B3GNT5: variants seen among roughly 807,000 people sequenced by gnomAD.
The protein encoded by B3GNT5 is UDP-GlcNAc:betaGal beta-1,3-N-acetylglucosaminyltransferase 5, also known as lactosylceramide 1,3-N-acetyl-beta-D-glucosaminyltransferase.
A neutral mutation model predicts 25.9 loss-of-function variants in B3GNT5; 11 were observed. The ratio of observed to expected loss-of-function variants is 0.42; its 90% CI spans 0.27 to 0.70. B3GNT5 has a LOEUF of 0.70. Ranked by LOEUF, B3GNT5 falls within the 30% of genes least tolerant of loss-of-function variation. B3GNT5 has a pLI of 0.23. For synonymous variants in B3GNT5, 166 were observed against 158.6 expected, an observed-to-expected ratio of 1.05 and a Z score of -0.35; for missense variants, 385 against 458.4, an observed-to-expected ratio of 0.84 and a Z score of 1.46.
At position 183,272,315 on chromosome 3, in the gene B3GNT5, A is replaced by G. The variant is rs932943264; in HGVS notation, c.*1380A>G. 4.0e-6 allele frequency: 4 copies of G among 1,000,210 alleles called. No homozygotes were observed. The African/African-American group carries it at 7.0e-5, about 17-fold the overall frequency. 62.0% of individuals were successfully genotyped at this position (1,000,210 alleles called of 1,614,324 possible). A position where few individuals can be genotyped will look rare whatever the true frequency, so the allele number is the denominator to read the frequency against. ...TGCTAGGGAGATTATATGAAGGCCA[A>G]AATAATGACTTCAGCAAGAGTGACT... On this transcript the variant is annotated 3_prime_UTR_variant, in exon 2 of 2. Coordinates refer to ENST00000326505, the MANE Select transcript of B3GNT5 (RefSeq NM_032047.5).
chr3:183,257,817 T>C (rs906597149), intron 1 of B3GNT5, among the ~76,000 whole-genome samples: 5 of 152,138 alleles, frequency 3.3e-5, no homozygotes, highest in Admixed American at 6.5e-5. Context: ...TTCCGTTTTT[T>C]CCCTTTACCC....
chr3:183,255,464 C>T (rs1334475167), intron 1 of B3GNT5, among the ~76,000 whole-genome samples: 3 of 152,158 alleles, frequency 2.0e-5, no homozygotes, highest in Admixed American at 2.0e-4. Context: ...CTCACTCTTC[C>T]TTATCCTCCC....
In B3GNT5 at chr3:183,270,314, A is replaced by T; in HGVS notation, c.516A>T (p.Leu172Phe). ...CTTTCTACAATCTTACTCTGAAATT[A>T]CTTATGCAGTTCAGTTGGGCAAATA... Reference protein sequence around the residue: ...VDSFYNLTLKLLMQFSWANTY... With the variant: ...VDSFYNLTLKFLMQFSWANTY... Residue 172 changes from leucine (L) to phenylalanine (F), a missense_variant, in exon 2 of 2, where the codon TTA becomes TTT. Physicochemically the swap from Leu to Phe is conservative, Grantham distance 22. Transcript: ENST00000326505. The surrounding 1 kb of genome is among the most constrained non-coding windows in gnomAD (Gnocchi z 4.5). The T allele has an allele frequency of 6.2e-7, 1 of 1,614,202 alleles. No homozygotes were observed. Among genetic ancestry groups the T allele is most frequent in the South Asian group, 1.1e-5 (1 of 91,082 alleles).
At position 183,267,944 on chromosome 3, in the gene B3GNT5, T is replaced by A. The variant is rs900806781; in HGVS notation, c.-301-1554T>A. Among the ~76,000 whole-genome samples, 1 of 152,316 alleles carries A rather than the reference T, an allele frequency of 6.6e-6. No individual in the cohort carries two copies. The highest frequency in any genetic ancestry group is 2.4e-5 in the African/African-American group (1 of 41,558). On this transcript the variant is annotated intron_variant, in intron 1 of 1. Transcript: ENST00000326505. This position sits in a 1 kb window ranked among gnomAD's most constrained non-coding sequence, Gnocchi z 5.5. ...GGAATGCCTACCAGGGGTCACACAC[T>A]GAGCTGGATGCTGAGTGTAGGGTGT...
chr3:183,272,148 A>T lies in B3GNT5; in HGVS notation c.*1213A>T. On this transcript the variant is annotated 3_prime_UTR_variant, in exon 2 of 2. Coordinates refer to ENST00000326505, the MANE Select transcript of B3GNT5 (RefSeq NM_032047.5). ...GCCAGTTTGGGGTTAAAGCATTTTT[A>T]AAGCTGCATGTTCCTTGTAATCAAA... 1.0e-6 allele frequency: 1 copy of T among 1,000,312 alleles called. No homozygotes were observed. Among genetic ancestry groups the T allele is most frequent in the Non-Finnish European group, 1.2e-6 (1 of 829,968 alleles). 62.0% of individuals were successfully genotyped at this position (1,000,312 alleles called of 1,614,324 possible). A position where few individuals can be genotyped will look rare whatever the true frequency, so the allele number is the denominator to read the frequency against.
intron 1 of B3GNT5, among the ~76,000 whole-genome samples, chr3:183,263,141 G>A (rs900236556): frequency 6.6e-6 from 1 of 152,152 alleles, no homozygotes; most frequent in Non-Finnish European, 1.5e-5. Flanking sequence ...AAGAAATGCA[G>A]TTCTCAGTGA....
rs998400047 is a variant in B3GNT5, at chr3:183,267,980, G to A, written c.-301-1518G>A. 6.6e-6 allele frequency among the ~76,000 whole-genome samples: 1 copy of A among 152,128 alleles called. No individual in the cohort carries two copies. The highest frequency in any genetic ancestry group is 2.4e-5 in the African/African-American group (1 of 41,418). ...CTGAGTGTAGGGTGTCCACAACATC[G>A]TGCCTAAAAAGTCTCTGTATGGGGT... is the stretch of plus-strand genomic sequence containing the variant. On this transcript the variant is annotated intron_variant, in intron 1 of 1. Transcript: ENST00000326505. The surrounding 1 kb of genome is among the most constrained non-coding windows in gnomAD (Gnocchi z 5.5).
chr3:183,271,578 C>CTT lies in B3GNT5; in HGVS notation c.*646_*647dup, dbSNP rs966677782. 4.2e-5 allele frequency: 7 copies of CTT among 166,850 alleles called. No individual in the cohort carries two copies. Among genetic ancestry groups the CTT allele is most frequent in the African/African-American group, 1.7e-4 (7 of 41,394 alleles). 10.3% of individuals were successfully genotyped at this position (166,850 alleles called of 1,614,324 possible). A position where few individuals can be genotyped will look rare whatever the true frequency, so the allele number is the denominator to read the frequency against. On this transcript the variant is annotated 3_prime_UTR_variant, in exon 2 of 2. Coordinates refer to ENST00000326505, the MANE Select transcript of B3GNT5 (RefSeq NM_032047.5). ...ATCTTTTTTCAAAGTTTAATGTGAA[C>CTT]TTTTAGAAAAGTGATTAATGTTGCC...
chr3:183,269,819 C>G lies in B3GNT5; in HGVS notation c.21C>G (p.Gly7=). 6.2e-7 allele frequency: 1 copy of G among 1,608,356 alleles called. No homozygotes were observed. The highest frequency in any genetic ancestry group is 8.5e-7 in the Non-Finnish European group (1 of 1,177,226). The change falls in exon 2 of 2, where the codon GGC becomes GGG. Residue 7 remains glycine (G), a synonymous_variant. Transcript: ENST00000326505. ...TGGATATGAGAATGTTGGTTAGTGGCAGAAGAGTCAAAAAATGGCAGTTAA... is the reference window on the plus strand; with the variant it reads ...TGGATATGAGAATGTTGGTTAGTGGGAGAAGAGTCAAAAAATGGCAGTTAA... The part of the protein sequence containing the change: MRMLVS[G]RRVKKWQLII...
chr3:183,267,963 A>G lies in B3GNT5; in HGVS notation c.-301-1535A>G, dbSNP rs1726324001. ...ACACACTGAGCTGGATGCTGAGTGTAGGGTGTCCACAACATCGTGCCTAAA... is the reference window on the plus strand; with the variant it reads ...ACACACTGAGCTGGATGCTGAGTGTGGGGTGTCCACAACATCGTGCCTAAA... On this transcript the variant is annotated intron_variant, in intron 1 of 1. Transcript: ENST00000326505. The surrounding 1 kb of genome is among the most constrained non-coding windows in gnomAD (Gnocchi z 5.5). 6.6e-6 allele frequency among the ~76,000 whole-genome samples: 1 copy of G among 152,212 alleles called. No homozygotes were observed. Among genetic ancestry groups the G allele is most frequent in the Non-Finnish European group, 1.5e-5 (1 of 68,028 alleles).
Position 183,272,073 on chromosome 3 carries a change from T to C in B3GNT5, c.*1138T>C. The C allele has an allele frequency of 1.2e-6, 1 of 803,670 alleles. No individual in the cohort carries two copies. The highest frequency in any genetic ancestry group is 1.5e-6 in the Non-Finnish European group (1 of 650,676). The allele number at this position is 803,670 out of a possible 1,614,324, so 49.8% of individuals were successfully genotyped here. On this transcript the variant is annotated 3_prime_UTR_variant, in exon 2 of 2. Coordinates refer to ENST00000326505, the MANE Select transcript of B3GNT5 (RefSeq NM_032047.5). Reference sequence around the variant, plus strand: ...ATAACTGTCAGAGGTGATCTTTATTTTCTAAATATTTCAAACTTGAAAACA... The same window carrying C: ...ATAACTGTCAGAGGTGATCTTTATTCTCTAAATATTTCAAACTTGAAAACA...
chr3:183,269,485 T>C lies in B3GNT5; in HGVS notation c.-301-13T>C, dbSNP rs1726530666. 1 of 273,644 alleles carries C rather than the reference T, an allele frequency of 3.7e-6. No individual in the cohort carries two copies. 17.0% of individuals were successfully genotyped at this position (273,644 alleles called of 1,614,324 possible). Reference sequence around the variant, plus strand: ...ACGCGATTGTGATTCTTTTCTCTTCTTGACTGTGATAGGTGGCATGGAATA... The same window carrying C: ...ACGCGATTGTGATTCTTTTCTCTTCCTGACTGTGATAGGTGGCATGGAATA... On this transcript the variant is annotated splice_polypyrimidine_tract_variant and intron_variant, in intron 1 of 1. Transcript: ENST00000326505.
chr3:183,271,019 GTAAAA>G lies in B3GNT5; in HGVS notation c.*86_*90del, dbSNP rs1422764784. 7.9e-6 allele frequency: 10 copies of G among 1,267,554 alleles called. No individual in the cohort carries two copies. Among genetic ancestry groups the G allele is most frequent in the Non-Finnish European group, 1.1e-5 (10 of 929,902 alleles). The allele number at this position is 1,267,554 out of a possible 1,614,324, so 78.5% of individuals were successfully genotyped here. ...CTTTAAATGTTCGTCTATACCCTAAGTAAAATGAGGACGAAAGACAAATATTTTGA... is the reference window on the plus strand; with the variant it reads ...CTTTAAATGTTCGTCTATACCCTAAGTGAGGACGAAAGACAAATATTTTGA... On this transcript the variant is annotated 3_prime_UTR_variant, in exon 2 of 2. Transcript: ENST00000326505.
intron 1 of B3GNT5, among the ~76,000 whole-genome samples, chr3:183,261,970 A>G (rs1343627025): frequency 1.4e-5 from 2 of 146,596 alleles, no homozygotes; most frequent in Non-Finnish European, 3.0e-5. Flanking sequence ...TTAAAAAAAA[A>G]AAAAAAAGAA....
rs1194399792 is a variant in B3GNT5, at chr3:183,272,263, C to A, written c.*1328C>A. 1 of 1,000,128 alleles carries A rather than the reference C, an allele frequency of 1.0e-6. No homozygotes were observed. Among genetic ancestry groups the A allele is most frequent in the African/African-American group, 1.7e-5 (1 of 57,230 alleles). The allele number at this position is 1,000,128 out of a possible 1,614,324, so 62.0% of individuals were successfully genotyped here. ...CTATAATACACACTACCTCCCTTCA[C>A]TACAGAAAGAACTAGGTGGTGTCTA... is the stretch of plus-strand genomic sequence containing the variant. On this transcript the variant is annotated 3_prime_UTR_variant, in exon 2 of 2. Coordinates refer to ENST00000326505, the MANE Select transcript of B3GNT5 (RefSeq NM_032047.5).
chr3:183,263,556 A>G (rs149680791), intron 1 of B3GNT5, among the ~76,000 whole-genome samples: 21 of 151,574 alleles, frequency 1.4e-4, no homozygotes, highest in African/African-American at 4.8e-4. Context: ...TCCGGAGTTT[A>G]TTTTTCCTCC....
chr3:183,264,329 C>T (rs947299818), intron 1 of B3GNT5, among the ~76,000 whole-genome samples: 8 of 152,190 alleles, frequency 5.3e-5, no homozygotes, highest in East Asian at 3.8e-4. Context: ...CAACCCCCAC[C>T]GATTTCTCTA....
chr3:183,272,154 G>A lies in B3GNT5; in HGVS notation c.*1219G>A, dbSNP rs958620590. 37 of 1,000,284 alleles carry A rather than the reference G, an allele frequency of 3.7e-5. No homozygotes were observed. The highest frequency in any genetic ancestry group is 4.5e-5 in the Non-Finnish European group (37 of 829,952). The allele number at this position is 1,000,284 out of a possible 1,614,324, so 62.0% of individuals were successfully genotyped here. A position where few individuals can be genotyped will look rare whatever the true frequency, so the allele number is the denominator to read the frequency against. ...TTGGGGTTAAAGCATTTTTAAAGCT[G>A]CATGTTCCTTGTAATCAAAGAGATG... On this transcript the variant is annotated 3_prime_UTR_variant, in exon 2 of 2. Transcript: ENST00000326505.
In B3GNT5 at chr3:183,272,258, C is replaced by T. The variant is rs1449330776; in HGVS notation, c.*1323C>T. 4.0e-6 allele frequency: 4 copies of T among 1,000,092 alleles called. No individual in the cohort carries two copies. In the Admixed American group the frequency reaches 1.8e-4, roughly 46 times the overall value. 62.0% of individuals were successfully genotyped at this position (1,000,092 alleles called of 1,614,324 possible). A position where few individuals can be genotyped will look rare whatever the true frequency, so the allele number is the denominator to read the frequency against. On this transcript the variant is annotated 3_prime_UTR_variant, in exon 2 of 2. Coordinates refer to ENST00000326505, the MANE Select transcript of B3GNT5 (RefSeq NM_032047.5). The stretch of plus-strand genomic sequence containing the variant: ...TGTGGCTATAATACACACTACCTCC[C>T]TTCACTACAGAAAGAACTAGGTGGT...
Sources: gnomAD v4.1 joint callset for allele counts (sites outside exome capture counted in the v4.1 genomes callset) on GRCh38, gnomAD v4.1.1 for gene constraint, Gnocchi (gnomAD v3.1) non-coding constraint, MANE v1.5 for transcripts, NCBI Gene and HGNC (gene_info 2026-07-23, HGNC 2026-07-21) for gene names.